DLG2: variants seen among roughly 807,000 people sequenced by gnomAD.
DLG2 encodes discs large MAGUK scaffold protein 2, also known as disks large homolog 2.
Under a neutral mutation model 132.5 loss-of-function variants are expected in DLG2, and 45 were observed. That is an observed-to-expected ratio of 0.34 (90% CI 0.27 to 0.44). The LOEUF (loss-of-function observed/expected upper bound fraction) is 0.44. DLG2 is among the 20% of genes least tolerant of loss of function. DLG2 has a pLI of 1.00. For synonymous variants in DLG2, 424 were observed against 419.6 expected, an observed-to-expected ratio of 1.01 and a Z score of -0.13; for missense variants, 1,045 against 1,196.9, an observed-to-expected ratio of 0.87 and a Z score of 1.87.
At chr11:85,306,793 C>T (rs1329858045) in intron 3 of DLG2, among the ~76,000 whole-genome samples, 1 of 152,142 alleles carries the variant, frequency 6.6e-6, no homozygotes, top group Non-Finnish European at 1.5e-5. Context: ...AGGATGGTCT[C>T]AATCTCCTGA....
chr11:83,753,725 C>CTA (rs771828580), intron 18 of DLG2, among the ~76,000 whole-genome samples: 112 of 131,200 alleles, frequency 8.5e-4, no homozygotes, highest in Non-Finnish European at 1.4e-3. Context: ...TATATAGACA[C>CTA]TATATATATG....
intron 7 of DLG2, among the ~76,000 whole-genome samples, chr11:84,493,183 C>A (rs1174586670): frequency 1.3e-5 from 2 of 152,050 alleles, no homozygotes; most frequent in African/African-American, 4.8e-5. Context: ...TTTATCAGGT[C>A]AGATTCAAAT....
At chr11:84,506,093 T>TTTTTTTTTTTTTTTTTTTTTTTA in intron 7 of DLG2, among the ~76,000 whole-genome samples, 1 of 144,050 alleles carries the variant, frequency 6.9e-6, no homozygotes, top group Non-Finnish European at 1.5e-5. Context: ...TTTTTTTTTT[T>TTTTTTTTTTTTTTTTTTTTTTTA]GAGACGGAGT....
intron 11 of DLG2, among the ~76,000 whole-genome samples, chr11:84,053,059 T>C (rs878980897): frequency 1.3e-5 from 2 of 152,008 alleles, no homozygotes; most frequent in South Asian, 2.1e-4. Context: ...GTGGTATATA[T>C]ACACCATGGA....
intron 3 of DLG2, among the ~76,000 whole-genome samples, chr11:85,583,126 GTGTGTA>G (rs1257993082): frequency 3.1e-3 from 106 of 34,282 alleles, no homozygotes; most frequent in Non-Finnish European, 4.4e-3. Context: ...GTGTGTGTGT[GTGTGTA>G]TATATATATA....
At chr11:83,996,023 C>A (rs1056868109) in intron 11 of DLG2, among the ~76,000 whole-genome samples, 1 of 151,960 alleles carries the variant, frequency 6.6e-6, no homozygotes, top group African/African-American at 2.4e-5. Context: ...AAACAATCAA[C>A]AAAGTGAAGA....
chr11:84,361,010 T>A (rs1329138833), intron 7 of DLG2, among the ~76,000 whole-genome samples: 2 of 151,632 alleles, frequency 1.3e-5, no homozygotes, highest in Non-Finnish European at 2.9e-5. Flanking sequence ...AACCACAGAT[T>A]AAGATGCTGC....
chr11:84,111,113 A>G (rs2093326952), intron 9 of DLG2, among the ~76,000 whole-genome samples: 2 of 152,070 alleles, frequency 1.3e-5, no homozygotes, highest in Non-Finnish European at 2.9e-5. Flanking sequence ...TCCCTATTCT[A>G]TTGTGAGAAT....
intron 6 of DLG2, among the ~76,000 whole-genome samples, chr11:84,778,730 G>T (rs1231814286): frequency 6.6e-6 from 1 of 152,070 alleles, no homozygotes; most frequent in East Asian, 1.9e-4. Context: ...GGATGTATCT[G>T]GGTGTTGCCA....
chr11:84,808,397 T>G (rs2076225905), intron 6 of DLG2, among the ~76,000 whole-genome samples: 1 of 151,794 alleles, frequency 6.6e-6, no homozygotes, highest in Non-Finnish European at 1.5e-5. Flanking sequence ...TCTCAAATAA[T>G]TAGTCTAAGC....
chr11:84,642,065 CGTGTGTGTGTGTGTGTGTATATGTA>C (rs2099667557), intron 6 of DLG2, among the ~76,000 whole-genome samples: 6 of 138,216 alleles, frequency 4.3e-5, no homozygotes, highest in Non-Finnish European at 4.7e-5. Context: ...TATACGCACG[CGTGTGTGTGTGTGTGTGTATATGTA>C]GAGTGTGTGT....
chr11:83,554,997 A>G (rs1195733349), intron 19 of DLG2, among the ~76,000 whole-genome samples: 10 of 152,274 alleles, frequency 6.6e-5, no homozygotes, highest in Non-Finnish European at 5.9e-5. Flanking sequence ...TTACCAGTAC[A>G]ACACATCATA....
intron 9 of DLG2, among the ~76,000 whole-genome samples, chr11:84,152,244 T>A (rs1005451378): frequency 2.0e-5 from 3 of 152,224 alleles, no homozygotes; most frequent in African/African-American, 7.2e-5. Flanking sequence ...ATGTATATAT[T>A]TAGGATAGTT....
intron 6 of DLG2, among the ~76,000 whole-genome samples, chr11:84,587,073 A>T (rs2099531557): frequency 6.6e-6 from 1 of 152,220 alleles, no homozygotes; most frequent in Non-Finnish European, 1.5e-5. Context: ...AGTCTAGTTC[A>T]GGTCACTGGT....
chr11:84,694,499 AT>A (rs529853456), intron 6 of DLG2, among the ~76,000 whole-genome samples: 3 of 149,200 alleles, frequency 2.0e-5, no homozygotes, highest in African/African-American at 5.1e-5. Flanking sequence ...TGATGTAGGT[AT>A]TTTTTTTCTT....
intron 6 of DLG2, among the ~76,000 whole-genome samples, chr11:84,725,651 A>G (rs1207849984): frequency 6.6e-6 from 1 of 152,170 alleles, no homozygotes; most frequent in Non-Finnish European, 1.5e-5. Flanking sequence ...AAATATACTC[A>G]AAGTCCATAC....
At chr11:84,390,355 A>G (rs1483738875) in intron 7 of DLG2, among the ~76,000 whole-genome samples, 2 of 152,202 alleles carry the variant, frequency 1.3e-5, no homozygotes, top group African/African-American at 4.8e-5. Flanking sequence ...GGGCTATAAA[A>G]TGTAATGACT....
chr11:84,185,455 C>A (rs892646966), intron 8 of DLG2, among the ~76,000 whole-genome samples: 1 of 152,130 alleles, frequency 6.6e-6, no homozygotes, highest in African/African-American at 2.4e-5. Flanking sequence ...TGCTTATCAG[C>A]TTAAGGAGAT....
At chr11:83,899,974 A>G (rs1437420014) in intron 15 of DLG2, among the ~76,000 whole-genome samples, 1 of 152,160 alleles carries the variant, frequency 6.6e-6, no homozygotes, top group African/African-American at 2.4e-5. Flanking sequence ...AGTGATATGG[A>G]CAAGAAAGTC....
Sources: gnomAD v4.1 joint callset for allele counts (sites outside exome capture counted in the v4.1 genomes callset) on GRCh38, gnomAD v4.1.1 for gene constraint, MANE v1.5 for transcripts, NCBI Gene and HGNC (gene_info 2026-07-23, HGNC 2026-07-21) for gene names.